The following CRISPLD2 variants were observed in gnomAD, a reference collection of about 807,000 sequenced individuals.
CRISPLD2 encodes the protein cysteine-rich secretory protein LCCL domain-containing 2.
A neutral mutation model predicts 71.1 loss-of-function variants in CRISPLD2; 47 were observed. The ratio of observed to expected loss-of-function variants is 0.66; its 90% CI spans 0.52 to 0.84. The LOEUF (loss-of-function observed/expected upper bound fraction) is 0.84. CRISPLD2 is among the 40% of genes least tolerant of loss of function. The probability of loss-of-function intolerance (pLI) is 0.00; values close to 1 mark genes in which losing one functional copy is unlikely to be tolerated. For synonymous variants in CRISPLD2, 317 were observed against 250.1 expected (o/e 1.27, Z -2.52); for missense variants, 830 against 651.1 (o/e 1.27, Z -2.99).
At chr16:84,898,167 T>C (rs1194115873) in intron 14 of CRISPLD2, among the ~76,000 whole-genome samples, 1 of 152,200 alleles carries the variant, frequency 6.6e-6, no homozygotes. Context: ...TTCTTGCCGA[T>C]TTATTTAGGT....
At chr16:84,854,217 T>C (rs1917169466) in intron 5 of CRISPLD2, among the ~76,000 whole-genome samples, 1 of 152,198 alleles carries the variant, frequency 6.6e-6, no homozygotes, top group East Asian at 1.9e-4. Context: ...TGCAAAAATA[T>C]TGAATTCCAG....
intron 5 of CRISPLD2, among the ~76,000 whole-genome samples, chr16:84,850,990 C>G (rs1315554769): frequency 6.6e-6 from 1 of 152,176 alleles, no homozygotes; most frequent in Admixed American, 6.6e-5. Context: ...CTTTTGCACA[C>G]TGGCATACTT....
At chr16:84,894,425 A>T (rs778200803) in intron 14 of CRISPLD2, among the ~76,000 whole-genome samples, 3 of 152,160 alleles carry the variant, frequency 2.0e-5, no homozygotes, top group Non-Finnish European at 2.9e-5. Flanking sequence ...CCTTTATACA[A>T]AGGTATATAT....
intron 4 of CRISPLD2, among the ~76,000 whole-genome samples, chr16:84,849,847 A>C (rs1222652325): frequency 6.7e-6 from 1 of 148,914 alleles, no homozygotes; most frequent in Non-Finnish European, 1.5e-5. Context: ...CCTCCTGAGT[A>C]CCTGGGACTA....
At chr16:84,903,787 A>G (rs1031682418) in intron 14 of CRISPLD2, among the ~76,000 whole-genome samples, 1 of 152,194 alleles carries the variant, frequency 6.6e-6, no homozygotes, top group African/African-American at 2.4e-5. Context: ...TCAGGACTCC[A>G]GAAATACACC....
At chr16:84,845,061 T>G (rs2143195984) in intron 2 of CRISPLD2, among the ~76,000 whole-genome samples, 1 of 152,276 alleles carries the variant, frequency 6.6e-6, no homozygotes, top group South Asian at 2.1e-4. Context: ...TAGCATCTGA[T>G]TATTACCTGC....
intron 2 of CRISPLD2, among the ~76,000 whole-genome samples, chr16:84,844,926 T>C (rs773115937): frequency 2.6e-5 from 4 of 152,150 alleles, no homozygotes; most frequent in Non-Finnish European, 4.4e-5. Context: ...ACATTACAGA[T>C]GAGGACAGTG....
chr16:84,898,921 C>T (rs1310659623), intron 14 of CRISPLD2, among the ~76,000 whole-genome samples: 1 of 152,130 alleles, frequency 6.6e-6, no homozygotes, highest in African/African-American at 2.4e-5. Flanking sequence ...GTGACTGCAC[C>T]GTTGTACTCC....
Position 84,867,230 on chromosome 16 carries a change from A to G in CRISPLD2, c.853+190A>G, listed in dbSNP as rs926599920. 2.6e-5 allele frequency among the ~76,000 whole-genome samples: 4 copies of G among 152,350 alleles called. No homozygotes were observed. The East Asian group carries it at 7.7e-4, about 29-fold the overall frequency. On this transcript the variant is annotated intron_variant, in intron 7 of 14. Coordinates refer to ENST00000262424, the MANE Select transcript of CRISPLD2 (RefSeq NM_031476.4). The stretch of plus-strand genomic sequence containing the variant: ...AAAACGATATTTTTAAGTCATTTCA[A>G]AAGCGAGCATTATAGGACTTGTGCT...
intron 14 of CRISPLD2, among the ~76,000 whole-genome samples, chr16:84,898,500 C>CGTTCCTG (rs1317855018): frequency 6.6e-6 from 1 of 152,192 alleles, no homozygotes; most frequent in African/African-American, 2.4e-5. Context: ...GGCTCTCATA[C>CGTTCCTG]GTTCCTGGGC....
Position 84,820,041 on chromosome 16 carries a change from C to G in CRISPLD2, c.-167C>G, listed in dbSNP as rs1031792652. The G allele has an allele frequency of 6.6e-6, 1 of 152,466 alleles. No individual in the cohort carries two copies. Among genetic ancestry groups the G allele is most frequent in the South Asian group, 2.1e-4 (1 of 4,838 alleles). 9.4% of individuals were successfully genotyped at this position (152,466 alleles called of 1,614,324 possible). A position where few individuals can be genotyped will look rare whatever the true frequency, so the allele number is the denominator to read the frequency against. On this transcript the variant is annotated 5_prime_UTR_variant, in exon 1 of 15. Transcript: ENST00000262424. Reference sequence around the variant, plus strand: ...TATTGAGCTGTCTGCTCGCTGTGCCCGCTGTGCCTGCTGTGCCCGCGCTGT... The same window carrying G: ...TATTGAGCTGTCTGCTCGCTGTGCCGGCTGTGCCTGCTGTGCCCGCGCTGT...
At chr16:84,859,709 C>A (rs1917332144) in intron 6 of CRISPLD2, among the ~76,000 whole-genome samples, 1 of 152,198 alleles carries the variant, frequency 6.6e-6, no homozygotes, top group Non-Finnish European at 1.5e-5. Context: ...GTCAATTTCA[C>A]CTCTAGGAGC....
At chr16:84,906,422 T>G (rs2071802890) in intron 14 of CRISPLD2, among the ~76,000 whole-genome samples, 166 bp from the exon 15 acceptor site, 1 of 152,182 alleles carries the variant, frequency 6.6e-6, no homozygotes, top group South Asian at 2.1e-4. Flanking sequence ...TGTTCTCAAC[T>G]CAAGGCAGGC....
At chr16:84,892,388 G>A (rs892141540) in intron 14 of CRISPLD2, among the ~76,000 whole-genome samples, 2 of 152,188 alleles carry the variant, frequency 1.3e-5, no homozygotes, top group Admixed American at 6.5e-5. Context: ...CAGCACACAC[G>A]TCCCACCCTT....
chr16:84,867,067 C>A (rs1338912807), intron 7 of CRISPLD2, 27 bp downstream of exon 7: 2 of 1,604,976 alleles, frequency 1.2e-6, no homozygotes, highest in South Asian at 2.2e-5. Flanking sequence ...CTCCGCCCCT[C>A]CTGCCCTCCC....
At chr16:84,897,431 G>A (rs887491038) in intron 14 of CRISPLD2, among the ~76,000 whole-genome samples, 1 of 152,106 alleles carries the variant, frequency 6.6e-6, no homozygotes, top group Non-Finnish European at 1.5e-5. Context: ...CTCTAGCCTC[G>A]GTGACAGAGC....
chr16:84,841,957 CGGCTCAGGTGACG>C (rs147209830), intron 2 of CRISPLD2: 4,899 of 152,966 alleles, frequency 0.032, 90 homozygotes, highest in Middle Eastern at 0.077. Context: ...AGCAGGGAGG[CGGCTCAGGTGACG>C]GGCAGGTGAG....
At chr16:84,867,089 A>C in intron 7 of CRISPLD2, 49 bp downstream of exon 7, 1 of 1,589,458 alleles carries the variant, frequency 6.3e-7, no homozygotes, top group Non-Finnish European at 8.6e-7. Flanking sequence ...GCCACCTCCA[A>C]AGGGGACGGG....
At position 84,861,518 on chromosome 16, in the gene CRISPLD2, C is replaced by G. The variant is rs115649711; in HGVS notation, c.710-5379C>G. 5.1e-3 allele frequency among the ~76,000 whole-genome samples: 773 copies of G among 152,260 alleles called. 7 individuals are homozygous for G. Among genetic ancestry groups the G allele is most frequent in the African/African-American group, 0.017 (721 of 41,558 alleles). ...ATGTAGGTTGAGAGGCTAAGGCAGT[C>G]TCGCCTTCTCACATTTTTCTTCCTG... On this transcript the variant is annotated intron_variant, in intron 6 of 14. Transcript: ENST00000262424.
Sources: gnomAD v4.1 joint callset for allele counts (sites outside exome capture counted in the v4.1 genomes callset) on GRCh38, gnomAD v4.1.1 for gene constraint, MANE v1.5 for transcripts, NCBI Gene and HGNC (gene_info 2026-07-23, HGNC 2026-07-21) for gene names.